Variants in SATB1 observed in about 807,000 individuals in gnomAD.
SATB1 encodes SATB homeobox 1.
SATB1 carries 11 observed loss-of-function variants against 86.9 expected under a neutral mutation model. The ratio of observed to expected loss-of-function variants is 0.13; its 90% CI spans 0.08 to 0.21. SATB1 has a LOEUF of 0.21. SATB1 is among the 10% of genes least tolerant of loss of function. The pLI is 1.00. For synonymous variants in SATB1, 357 were observed against 357.2 expected, an observed-to-expected ratio of 1.00 and a Z score of 0.01; for missense variants, 551 against 937.6, an observed-to-expected ratio of 0.59 and a Z score of 5.39.
chr3:18,412,385 C>G (rs1366831401), intron 5 of SATB1, among the ~76,000 whole-genome samples: 1 of 152,076 alleles, frequency 6.6e-6, no homozygotes, highest in Non-Finnish European at 1.5e-5. Flanking sequence ...TCCACTCCTC[C>G]TGGCCCCTGC....
intron 7 of SATB1, among the ~76,000 whole-genome samples, chr3:18,393,706 A>T (rs775544995): frequency 3.8e-4 from 58 of 152,182 alleles, no homozygotes; most frequent in Admixed American, 7.9e-4. Context: ...AGTTTTACTG[A>T]AATACTACCA....
At chr3:18,381,569 G>A (rs1696064745) in intron 8 of SATB1, among the ~76,000 whole-genome samples, 1 of 152,074 alleles carries the variant, frequency 6.6e-6, no homozygotes, top group Non-Finnish European at 1.5e-5. Context: ...AACTTAACTA[G>A]AAACCCAAAG....
Position 18,424,209 on chromosome 3 carries a change from C to T in SATB1, c.-607G>A, listed in dbSNP as rs1405539876. On this transcript the variant is annotated 5_prime_UTR_variant, in exon 1 of 11. Transcript: ENST00000338745. ...TCCCTCCCTCCTGCTCACTCGGGTT[C>T]TTCGGTGTGAGGACAGAAAGTCTAC... 6.6e-6 allele frequency: 1 copy of T among 152,092 alleles called. No homozygotes were observed. The highest frequency in any genetic ancestry group is 1.5e-5 in the Non-Finnish European group (1 of 68,024). 9.4% of individuals were successfully genotyped at this position (152,092 alleles called of 1,614,324 possible). A position where few individuals can be genotyped will look rare whatever the true frequency, so the allele number is the denominator to read the frequency against.
upstream of SATB1, among the ~76,000 whole-genome samples, chr3:18,428,345 C>T (rs973252820): frequency 6.6e-6 from 1 of 152,176 alleles, no homozygotes; most frequent in Non-Finnish European, 1.5e-5. Context: ...CATTAATCCA[C>T]GAATGGATTA....
chr3:18,406,928 G>A (rs1697567059), intron 5 of SATB1, among the ~76,000 whole-genome samples: 1 of 152,032 alleles, frequency 6.6e-6, no homozygotes, highest in South Asian at 2.1e-4. Context: ...TAAGTCTGAC[G>A]AATATTCCCG....
chr3:18,383,906 TATA>T (rs1696186835), intron 8 of SATB1, among the ~76,000 whole-genome samples: 1 of 152,130 alleles, frequency 6.6e-6, no homozygotes, highest in African/African-American at 2.4e-5. Context: ...TGATCTCCAT[TATA>T]ATAATATTAA....
chr3:18,366,899 C>T (rs1695215054), intron 9 of SATB1, among the ~76,000 whole-genome samples: 1 of 152,158 alleles, frequency 6.6e-6, no homozygotes, highest in Admixed American at 6.5e-5. Context: ...TTCCATTATC[C>T]AAACTCTTAC....
chr3:18,404,202 T>G (rs1472177331), intron 5 of SATB1, among the ~76,000 whole-genome samples: 1 of 152,048 alleles, frequency 6.6e-6, no homozygotes, highest in Non-Finnish European at 1.5e-5. Context: ...GGGCTTCAAT[T>G]TATGACAGCG....
chr3:18,445,111 C>T (rs1699355301), intron 1 of SATB1: 1 of 643,632 alleles, frequency 1.6e-6, no homozygotes. Flanking sequence ...CGCCCGGGGG[C>T]TCGGCGGACC....
Position 18,444,149 on chromosome 3 carries a change from A to G in SATB1, c.-25+1369T>C, listed in dbSNP as rs2125215992. On this transcript the variant is annotated intron_variant, in intron 1 of 3. Transcript: ENST00000415069. The surrounding 1 kb of genome is among the most constrained non-coding windows in gnomAD (Gnocchi z 5.1). The stretch of plus-strand genomic sequence containing the variant: ...GGTGGGGGAACATTACCACTCCCGC[A>G]GCCCACTCCTCCAGGCACCTTACTG... 6.6e-6 allele frequency among the ~76,000 whole-genome samples: 1 copy of G among 152,212 alleles called. No homozygotes were observed. The highest frequency in any genetic ancestry group is 1.5e-5 in the Non-Finnish European group (1 of 68,002).
intron 2 of SATB1, among the ~76,000 whole-genome samples, chr3:18,430,461 T>C (rs1264805010): frequency 6.6e-6 from 1 of 152,226 alleles, no homozygotes; most frequent in Non-Finnish European, 1.5e-5. Flanking sequence ...CAAAAGCTGC[T>C]TTCCGTGAAC....
intron 2 of SATB1, chr3:18,417,694 C>G (rs1399615709): frequency 1.4e-6 from 1 of 698,512 alleles, no homozygotes; most frequent in Non-Finnish European, 2.6e-6. Context: ...TACACAATTT[C>G]AATATCTGCA....
intron 6 of SATB1, among the ~76,000 whole-genome samples, chr3:18,396,909 C>T (rs1383324853): frequency 6.6e-6 from 1 of 152,144 alleles, no homozygotes; most frequent in African/African-American, 2.4e-5. Context: ...GTTAGGTCTT[C>T]ACTGAGTTGT....
At chr3:18,440,468 T>A (rs191171999), upstream of SATB1, among the ~76,000 whole-genome samples, 11 of 152,280 alleles carry the variant, frequency 7.2e-5, no homozygotes, top group East Asian at 2.1e-3. Context: ...CGTTATTTAG[T>A]GGTGACAGGA....
rs752846934 is a variant in SATB1 at position 18,394,747 on chromosome 3, G to C, written c.921C>G (p.Leu307=). 5.0e-6 allele frequency: 8 copies of C among 1,613,952 alleles called. No homozygotes were observed. Among genetic ancestry groups the C allele is most frequent in the Admixed American group, 1.7e-5 (1 of 60,000 alleles). ...RTPLPNLHPG[L]VSTPISPQLV... is the part of the protein sequence containing the mutation. ...ATTGAGGACTGATAGGTGTTGATAC[G>C]AGCCCAGGGTGCAGGTTTGGAAGAG... The change falls in exon 7 of 11, where the codon CTC becomes CTG. Residue 307 remains leucine, a synonymous_variant. Coordinates refer to ENST00000338745, the MANE Select transcript of SATB1 (RefSeq NM_002971.6). This position sits in a 1 kb window ranked among gnomAD's most constrained non-coding sequence, Gnocchi z 5.9.
At chr3:18,355,705 C>G (rs1194824360) in intron 9 of SATB1, among the ~76,000 whole-genome samples, 1 of 151,878 alleles carries the variant, frequency 6.6e-6, no homozygotes, top group African/African-American at 2.4e-5. Flanking sequence ...AGAGAGGTCT[C>G]TGGGACTTGA....
In SATB1 at chr3:18,348,304, CAT is replaced by C. The variant is rs1559383562; in HGVS notation, c.*864_*865del. ...CTTATAGTATGAATTGCTTGGATAA[CAT>C]AGAGCACTTTTTATAGGCAACTGTG... On this transcript the variant is annotated 3_prime_UTR_variant, in exon 11 of 11. Coordinates refer to ENST00000338745, the MANE Select transcript of SATB1 (RefSeq NM_002971.6). 2 of 152,538 alleles carry C rather than the reference CAT, an allele frequency of 1.3e-5. No homozygotes were observed. The highest frequency in any genetic ancestry group is 2.4e-5 in the African/African-American group (1 of 41,428). The allele number at this position is 152,538 out of a possible 1,614,324, so 9.4% of individuals were successfully genotyped here.
chr3:18,415,554 ATTTCC>A (rs1698065875), intron 4 of SATB1, among the ~76,000 whole-genome samples: 1 of 149,630 alleles, frequency 6.7e-6, no homozygotes, highest in Admixed American at 6.8e-5. Context: ...GTATTAACCG[ATTTCC>A]TTTCATTACT....
intron 4 of SATB1, among the ~76,000 whole-genome samples, chr3:18,415,456 T>C (rs1467685486): frequency 6.6e-6 from 1 of 152,144 alleles, no homozygotes; most frequent in Non-Finnish European, 1.5e-5. Flanking sequence ...TATTTTTTCA[T>C]GTTACTTCTA....
Sources: gnomAD v4.1 joint callset for allele counts (sites outside exome capture counted in the v4.1 genomes callset) on GRCh38, gnomAD v4.1.1 for gene constraint, Gnocchi (gnomAD v3.1) non-coding constraint, MANE v1.5 for transcripts, NCBI Gene and HGNC (gene_info 2026-07-23, HGNC 2026-07-21) for gene names.